The following GPATCH2 variants were observed in gnomAD, a reference collection of about 807,000 sequenced individuals.
GPATCH2 encodes the protein G-patch domain containing 2, also known as G patch domain-containing protein 2.
A neutral mutation model predicts 58.0 loss-of-function variants in GPATCH2; 51 were observed. That is an observed-to-expected ratio of 0.88 (90% CI 0.70 to 1.11). GPATCH2 has a LOEUF of 1.11. GPATCH2 is among the 50% of genes most tolerant of loss of function. GPATCH2 has a pLI of 0.00. For missense variants in GPATCH2, 625 were observed against 652.2 expected, an observed-to-expected ratio of 0.96 and a Z score of 0.45; for synonymous variants, 222 against 218.5, an observed-to-expected ratio of 1.02 and a Z score of -0.14.
intron 5 of GPATCH2, among the ~76,000 whole-genome samples, chr1:217,591,364 A>T (rs1430308098): frequency 6.6e-6 from 1 of 152,084 alleles, no homozygotes; most frequent in African/African-American, 2.4e-5. Flanking sequence ...GTTTTGCTTG[A>T]AAATAGTAAA....
chr1:217,549,920 T>C (rs1018362110), intron 5 of GPATCH2, among the ~76,000 whole-genome samples: 4 of 152,156 alleles, frequency 2.6e-5, no homozygotes, highest in South Asian at 2.1e-4. Flanking sequence ...TGGATGACAA[T>C]TGCTTTAAAT....
intron 5 of GPATCH2, among the ~76,000 whole-genome samples, chr1:217,605,667 G>T (rs905092570): frequency 6.6e-6 from 1 of 152,130 alleles, no homozygotes; most frequent in African/African-American, 2.4e-5. Context: ...AACACCTGTT[G>T]TAAGACCATT....
chr1:217,500,251 T>TA (rs1230052008), intron 6 of GPATCH2, among the ~76,000 whole-genome samples: 4 of 152,192 alleles, frequency 2.6e-5, no homozygotes, highest in African/African-American at 9.6e-5. Flanking sequence ...TTTCAAATAT[T>TA]AAAAAATATC....
intron 3 of GPATCH2, among the ~76,000 whole-genome samples, chr1:217,612,648 GA>G (rs1668688967): frequency 6.6e-6 from 1 of 152,106 alleles, no homozygotes; most frequent in Non-Finnish European, 1.5e-5. Context: ...GGCCTCACTT[GA>G]AACTGACTAC....
intron 5 of GPATCH2, among the ~76,000 whole-genome samples, chr1:217,581,697 A>C (rs1369707176): frequency 6.6e-6 from 1 of 152,202 alleles, no homozygotes; most frequent in African/African-American, 2.4e-5. Context: ...TCTTGCCTGT[A>C]ATTCTAGCAC....
At chr1:217,552,820 G>A (rs141829813) in intron 5 of GPATCH2, among the ~76,000 whole-genome samples, 69 of 152,206 alleles carry the variant, frequency 4.5e-4, no homozygotes, top group African/African-American at 1.6e-3. Context: ...AGTGCCTCAA[G>A]GCTTAAAGAT....
At chr1:217,551,773 G>A (rs936307826) in intron 5 of GPATCH2, among the ~76,000 whole-genome samples, 1 of 152,052 alleles carries the variant, frequency 6.6e-6, no homozygotes, top group African/African-American at 2.4e-5. Context: ...AGTACTTATC[G>A]TTAACCCAGT....
Position 217,431,174 on chromosome 1 carries a change from T to C in GPATCH2, c.1558A>G (p.Thr520Ala), listed in dbSNP as rs2102518098. Residue 520 changes from threonine (T) to alanine (A), a missense_variant, in exon 10 of 10, where the codon ACT becomes GCT. Thr to Ala is a moderately conservative substitution (Grantham distance 58). Transcript: ENST00000366935. ...FPLPKSTSAT[T>A]TPNAGKSA Reference sequence around the variant, plus strand: ...GCGGATTTTCCTGCATTGGGGGTAGTAGTTGCGGAAGTACTTTTTGGTAGA... The same window carrying C: ...GCGGATTTTCCTGCATTGGGGGTAGCAGTTGCGGAAGTACTTTTTGGTAGA... The C allele has an allele frequency of 1.3e-6, 2 of 1,575,742 alleles. No individual in the cohort carries two copies. The highest frequency in any genetic ancestry group is 1.7e-6 in the Non-Finnish European group (2 of 1,144,938).
rs1359295083 is a variant in GPATCH2 at position 217,431,340 on chromosome 1, T to C, written c.1392A>G (p.Pro464=). The C allele has an allele frequency of 1.2e-6, 2 of 1,602,096 alleles. No individual in the cohort carries two copies. The highest frequency in any genetic ancestry group is 1.7e-6 in the Non-Finnish European group (2 of 1,168,954). Residue 464 remains proline, a synonymous_variant, in exon 10 of 10, where the codon CCA becomes CCG. Transcript: ENST00000366935. ...TAGFVGENAQ[P]ILENNIGNRM... The stretch of plus-strand genomic sequence containing the variant: ...GGTTTCCAATATTATTTTCTAGGAT[T>C]GGCTGGGCATTTTCACCTACAAATC...
At chr1:217,603,385 A>G (rs1668202009) in intron 5 of GPATCH2, among the ~76,000 whole-genome samples, 1 of 152,204 alleles carries the variant, frequency 6.6e-6, no homozygotes, top group African/African-American at 2.4e-5. Flanking sequence ...ATACACATTA[A>G]AATACTGTTA....
chr1:217,610,418 T>A lies in GPATCH2; in HGVS notation c.1019-18A>T. ...TTGGAAACCTGTAAAATCAAAGTAC[T>A]CAATTTAGAAGTTTTCTATGATCAC... On this transcript the variant is annotated intron_variant, in intron 4 of 9. Coordinates refer to ENST00000366935, the MANE Select transcript of GPATCH2 (RefSeq NM_018040.5). The A allele has an allele frequency of 1.4e-6, 2 of 1,454,052 alleles. No homozygotes were observed. Among genetic ancestry groups the A allele is most frequent in the Non-Finnish European group, 1.9e-6 (2 of 1,040,200 alleles). The allele number at this position is 1,454,052 out of a possible 1,614,324, so 90.1% of individuals were successfully genotyped here.
chr1:217,431,076 TCA>T lies in GPATCH2; in HGVS notation c.*67_*68del. On this transcript the variant is annotated 3_prime_UTR_variant, in exon 10 of 10. Coordinates refer to ENST00000366935, the MANE Select transcript of GPATCH2 (RefSeq NM_018040.5). ...TAGATTTTTGCTTCAAAAACAGAAG[TCA>T]TGTTATCATTTTAGAACAATGGGAC... is the stretch of plus-strand genomic sequence containing the variant. 1 of 841,856 alleles carries T rather than the reference TCA, an allele frequency of 1.2e-6. No individual in the cohort carries two copies. Among genetic ancestry groups the T allele is most frequent in the African/African-American group, 1.7e-5 (1 of 60,080 alleles). 52.1% of individuals were successfully genotyped at this position (841,856 alleles called of 1,614,324 possible).
At chr1:217,521,965 C>T (rs779872896) in intron 5 of GPATCH2, among the ~76,000 whole-genome samples, 34 of 152,036 alleles carry the variant, frequency 2.2e-4, no homozygotes, top group Admixed American at 2.6e-4. Context: ...CAGTTAGTTT[C>T]GAAGCGATCT....
chr1:217,549,987 C>G (rs1665267350), intron 5 of GPATCH2, among the ~76,000 whole-genome samples: 2 of 152,112 alleles, frequency 1.3e-5, no homozygotes, highest in Non-Finnish European at 2.9e-5. Context: ...AACGGGAGAA[C>G]TCTGTAAGGA....
chr1:217,520,900 C>CAT (rs1396051436), intron 5 of GPATCH2, among the ~76,000 whole-genome samples: 2 of 152,168 alleles, frequency 1.3e-5, no homozygotes, highest in Non-Finnish European at 2.9e-5. Flanking sequence ...ACTCACAACT[C>CAT]ATAGCTTAAT....
intron 5 of GPATCH2, among the ~76,000 whole-genome samples, chr1:217,526,333 A>G (rs183863514): frequency 8.5e-5 from 13 of 152,284 alleles, no homozygotes; most frequent in African/African-American, 2.9e-4. Flanking sequence ...CAATCATTCA[A>G]TCTTACGTGA....
intron 9 of GPATCH2, among the ~76,000 whole-genome samples, chr1:217,436,953 T>C (rs989989073): frequency 9.2e-5 from 14 of 152,074 alleles, no homozygotes; most frequent in East Asian, 1.9e-4. Flanking sequence ...GATGGCTGAA[T>C]AGGAACAGCT....
At chr1:217,447,671 T>A (rs1659452268) in intron 9 of GPATCH2, among the ~76,000 whole-genome samples, 1 of 152,322 alleles carries the variant, frequency 6.6e-6, no homozygotes, top group African/African-American at 2.4e-5. Flanking sequence ...AGCCAGAAGA[T>A]GATCAGGTAT....
At chr1:217,487,143 G>A (rs1210126771) in intron 8 of GPATCH2, among the ~76,000 whole-genome samples, 1 of 152,094 alleles carries the variant, frequency 6.6e-6, no homozygotes, top group Non-Finnish European at 1.5e-5. Flanking sequence ...AAGCCACCCT[G>A]CTTTACATAC....
Sources: gnomAD v4.1 joint callset for allele counts (sites outside exome capture counted in the v4.1 genomes callset) on GRCh38, gnomAD v4.1.1 for gene constraint, MANE v1.5 for transcripts, NCBI Gene and HGNC (gene_info 2026-07-23, HGNC 2026-07-21) for gene names.